CORO2B: variants seen among roughly 807,000 people sequenced by gnomAD.
CORO2B encodes coronin 2B.
CORO2B carries 26 observed loss-of-function variants against 58.8 expected under a neutral mutation model. That is an observed-to-expected ratio of 0.44 (90% CI 0.32 to 0.61). The LOEUF (loss-of-function observed/expected upper bound fraction) is 0.61, where lower values mean the gene tolerates loss of function less well. CORO2B is among the 20% of genes least tolerant of loss of function. CORO2B has a pLI of 0.04. For missense variants in CORO2B, 460 were observed against 645.1 expected (o/e 0.71, Z 3.11); for synonymous variants, 242 against 253.8 (o/e 0.95, Z 0.44).
chr15:68,528,756 T>C, the CORO2B span, among the ~76,000 whole-genome samples: 1 of 151,316 alleles, frequency 6.6e-6, no homozygotes, highest in African/African-American at 2.4e-5. Flanking sequence ...AGTGAGTTCA[T>C]CTGGGTCTGG....
At chr15:68,664,790 A>C (rs1299352606) in intron 2 of CORO2B, among the ~76,000 whole-genome samples, 1 of 152,228 alleles carries the variant, frequency 6.6e-6, no homozygotes, top group Non-Finnish European at 1.5e-5. Flanking sequence ...ATATCGTCGT[A>C]TGCTTACAAT....
At chr15:68,706,619 A>G (rs1053849619) in intron 3 of CORO2B, among the ~76,000 whole-genome samples, 1 of 152,206 alleles carries the variant, frequency 6.6e-6, no homozygotes, top group Admixed American at 6.5e-5. Context: ...GCCCCCAAAT[A>G]TCTCTTCCCT....
At chr15:68,562,901 C>T in the CORO2B span, among the ~76,000 whole-genome samples, 120 of 149,640 alleles carry the variant, frequency 8.0e-4, no homozygotes, top group East Asian at 2.0e-3. Context: ...GGCGTGAACC[C>T]GGGAGGTGGA....
intron 1 of CORO2B, among the ~76,000 whole-genome samples, chr15:68,636,559 G>T (rs1186897114): frequency 1.3e-5 from 2 of 152,196 alleles, no homozygotes; most frequent in Non-Finnish European, 2.9e-5. Flanking sequence ...TGGCGAGGAG[G>T]AATTCCAATT....
At chr15:68,695,598 G>A (rs1892491602) in intron 3 of CORO2B, among the ~76,000 whole-genome samples, 2 of 152,196 alleles carry the variant, frequency 1.3e-5, no homozygotes, top group Non-Finnish European at 2.9e-5. Flanking sequence ...AGGAGGGAGG[G>A]AGAAAAGGAA....
chr15:68,523,990 C>A, the CORO2B span, among the ~76,000 whole-genome samples: 3 of 152,148 alleles, frequency 2.0e-5, no homozygotes, highest in African/African-American at 7.2e-5. Context: ...CTTTGGGAGG[C>A]AAAGGTGGGA....
At chr15:68,535,041 C>A in the CORO2B span, among the ~76,000 whole-genome samples, 1 of 152,150 alleles carries the variant, frequency 6.6e-6, no homozygotes, top group African/African-American at 2.4e-5. Context: ...GTTATGGGAG[C>A]TACAATTCAA....
intron 1 of CORO2B, among the ~76,000 whole-genome samples, chr15:68,597,637 A>AT (rs1233949321): frequency 0.011 from 1,634 of 151,396 alleles, 34 homozygotes; most frequent in African/African-American, 0.032. Context: ...CAAAAAAAAA[A>AT]AAATAAATAA....
intron 1 of CORO2B, among the ~76,000 whole-genome samples, chr15:68,624,608 A>G (rs543371134): frequency 4.4e-4 from 67 of 152,052 alleles, no homozygotes; most frequent in African/African-American, 1.6e-3. Context: ...ATCAGACCCA[A>G]GAGTTCCTGG....
At chr15:68,584,002 C>T (rs1204152160) in intron 1 of CORO2B, among the ~76,000 whole-genome samples, 7 of 152,200 alleles carry the variant, frequency 4.6e-5, no homozygotes, top group African/African-American at 1.7e-4. Context: ...AGCAGTCATT[C>T]GTTCATTTAG....
intron 8 of CORO2B, among the ~76,000 whole-genome samples, chr15:68,715,681 C>T (rs772808749): frequency 2.6e-5 from 4 of 152,246 alleles, no homozygotes; most frequent in Non-Finnish European, 5.9e-5. Flanking sequence ...TCTAGGAAGC[C>T]GTGACTCCCA....
At chr15:68,723,640 G>T (rs1229885569) in intron 11 of CORO2B, among the ~76,000 whole-genome samples, 3 of 151,892 alleles carry the variant, frequency 2.0e-5, no homozygotes, top group African/African-American at 7.3e-5. Flanking sequence ...TTTTAGTAGA[G>T]ATGGGGTTTC....
At chr15:68,633,709 T>C (rs1900932513) in intron 1 of CORO2B, among the ~76,000 whole-genome samples, 1 of 151,982 alleles carries the variant, frequency 6.6e-6, no homozygotes, top group Non-Finnish European at 1.5e-5. Flanking sequence ...CAACTTCTCC[T>C]TTCTCACATT....
intron 2 of CORO2B, among the ~76,000 whole-genome samples, chr15:68,669,822 C>T (rs112095350): frequency 0.024 from 3,609 of 152,078 alleles, 142 homozygotes; most frequent in African/African-American, 0.08. Context: ...TTCAGGAGGC[C>T]AAGGTGGGTG....
intron 2 of CORO2B, among the ~76,000 whole-genome samples, chr15:68,657,089 T>C (rs1359243376): frequency 1.3e-5 from 2 of 152,216 alleles, no homozygotes; most frequent in Non-Finnish European, 2.9e-5. Flanking sequence ...CTGAATAATT[T>C]TATTCAAATA....
chr15:68,624,078 G>A (rs1008153419), intron 1 of CORO2B, among the ~76,000 whole-genome samples: 1 of 152,130 alleles, frequency 6.6e-6, no homozygotes, highest in Non-Finnish European at 1.5e-5. Flanking sequence ...GTCTTGAGCA[G>A]GTGACCTAAC....
chr15:68,639,682 A>ACC (rs200966912), intron 1 of CORO2B, among the ~76,000 whole-genome samples: 1 of 151,394 alleles, frequency 6.6e-6, no homozygotes, highest in African/African-American at 2.4e-5. Flanking sequence ...TAAATCTTGA[A>ACC]CCCCCCCAGG....
chr15:68,648,787 G>A (rs1901540625), intron 2 of CORO2B, among the ~76,000 whole-genome samples: 1 of 152,242 alleles, frequency 6.6e-6, no homozygotes, highest in African/African-American at 2.4e-5. Context: ...CATCAGTATT[G>A]CCAAAGGTGT....
the CORO2B span, among the ~76,000 whole-genome samples, chr15:68,564,717 G>C: frequency 1.3e-5 from 2 of 152,198 alleles, no homozygotes; most frequent in Non-Finnish European, 2.9e-5. Flanking sequence ...TGGAACCTGA[G>C]TTACTCAGTT....
Sources: allele counts gnomAD v4.1 joint callset (sites outside exome capture counted in the v4.1 genomes callset), GRCh38; gene constraint gnomAD v4.1.1; transcripts MANE v1.5; gene names NCBI Gene and HGNC (gene_info 2026-07-23, HGNC 2026-07-21).